BARX2: variants seen among roughly 807,000 people sequenced by gnomAD.
The protein encoded by BARX2 is BARX homeobox 2.
BARX2 carries 11 observed loss-of-function variants against 25.5 expected under a neutral mutation model. That is an observed-to-expected ratio of 0.43 (90% CI 0.27 to 0.71). The LOEUF (loss-of-function observed/expected upper bound fraction) is 0.71. BARX2 is among the 30% of genes least tolerant of loss of function. The pLI is 0.19. For synonymous variants in BARX2, 137 were observed against 149.5 expected, an observed-to-expected ratio of 0.92 and a Z score of 0.61; for missense variants, 360 against 359.9, an observed-to-expected ratio of 1.00 and a Z score of 0.00.
rs1299385268 is a variant in BARX2, at chr11:129,390,642, A to G, written c.187+14420A>G. Among the ~76,000 whole-genome samples, 1 of 152,112 alleles carries G rather than the reference A, an allele frequency of 6.6e-6. No homozygotes were observed. Among genetic ancestry groups the G allele is most frequent in the Non-Finnish European group, 1.5e-5 (1 of 68,020 alleles). On this transcript the variant is annotated intron_variant, in intron 1 of 3. Coordinates refer to ENST00000281437, the MANE Select transcript of BARX2 (RefSeq NM_003658.5). The surrounding 1 kb of genome is among the most constrained non-coding windows in gnomAD (Gnocchi z 4.3). ...ACTCAGCATTTGTTGTCTCCAAGAGAAAAACAAATTGAAAAATGAGAATGG... is the reference window on the plus strand; with the variant it reads ...ACTCAGCATTTGTTGTCTCCAAGAGGAAAACAAATTGAAAAATGAGAATGG...
chr11:129,445,317 T>C (rs1253985874), intron 3 of BARX2, among the ~76,000 whole-genome samples: 3 of 152,202 alleles, frequency 2.0e-5, no homozygotes, highest in African/African-American at 7.2e-5. Flanking sequence ...GCAGAGGCAT[T>C]GTTTAAATTG....
chr11:129,451,560 C>T lies in BARX2; in HGVS notation c.*158C>T, dbSNP rs1591452940. The T allele has an allele frequency of 4.7e-6, 4 of 855,936 alleles. No homozygotes were observed. Among genetic ancestry groups the T allele is most frequent in the East Asian group, 2.7e-5 (1 of 37,178 alleles). The allele number at this position is 855,936 out of a possible 1,614,324, so 53.0% of individuals were successfully genotyped here. A position where few individuals can be genotyped will look rare whatever the true frequency, so the allele number is the denominator to read the frequency against. On this transcript the variant is annotated 3_prime_UTR_variant, in exon 4 of 4. Coordinates refer to ENST00000281437, the MANE Select transcript of BARX2 (RefSeq NM_003658.5). ...CCACAGTTACCATTGGCCTTGTCAT[C>T]GCAAGCATTTGACAAAGACTTGCTT...
chr11:129,375,629 A>G (rs1020981004), upstream of BARX2, among the ~76,000 whole-genome samples: 1 of 151,872 alleles, frequency 6.6e-6, no homozygotes, highest in African/African-American at 2.4e-5. This position sits in a 1 kb window ranked among gnomAD's most constrained non-coding sequence, Gnocchi z 4.0. Context: ...GTCTTAAAAT[A>G]GAGAGCCAGG....
intron 1 of BARX2, among the ~76,000 whole-genome samples, chr11:129,430,972 A>G (rs1166903527): frequency 6.6e-6 from 1 of 152,036 alleles, no homozygotes; most frequent in Non-Finnish European, 1.5e-5. Flanking sequence ...AGCAATTCTC[A>G]TGCCACAGCC....
chr11:129,410,576 G>A (rs759104938), intron 1 of BARX2, among the ~76,000 whole-genome samples: 2 of 152,170 alleles, frequency 1.3e-5, no homozygotes, highest in Non-Finnish European at 2.9e-5. Flanking sequence ...GGGGCTGTGT[G>A]TACATGAATG....
At position 129,376,160 on chromosome 11, in the gene BARX2, T is replaced by C. The variant is rs372858784; in HGVS notation, c.125T>C (p.Leu42Pro). 12 of 1,613,554 alleles carry C rather than the reference T, an allele frequency of 7.4e-6. No homozygotes were observed. Among genetic ancestry groups the C allele is most frequent in the Non-Finnish European group, 1.0e-5 (12 of 1,179,734 alleles). The change falls in exon 1 of 4, where the codon CTT (leucine) becomes CCT (proline). Residue 42 changes from leucine (L) to proline (P), a missense_variant. Coordinates refer to ENST00000281437, the MANE Select transcript of BARX2 (RefSeq NM_003658.5). This position sits in a 1 kb window ranked among gnomAD's most constrained non-coding sequence, Gnocchi z 4.2. ...GAGACCTGCGATTACTTTGAGAAAC[T>C]TTCCCTCTACTCCGTGTGCCCGTCG... Reference protein sequence around the residue: ...SKETCDYFEKLSLYSVCPSLV... With the variant: ...SKETCDYFEKPSLYSVCPSLV...
At chr11:129,422,541 C>T (rs1479604350) in intron 1 of BARX2, among the ~76,000 whole-genome samples, 1 of 152,164 alleles carries the variant, frequency 6.6e-6, no homozygotes, top group Non-Finnish European at 1.5e-5. Flanking sequence ...TCAAACGATC[C>T]TCCTGCCTCA....
intron 1 of BARX2, among the ~76,000 whole-genome samples, chr11:129,379,290 A>G (rs1861537045): frequency 6.6e-6 from 1 of 152,236 alleles, no homozygotes; most frequent in African/African-American, 2.4e-5. Flanking sequence ...TGTGTCATTC[A>G]GGCCATTGGT....
chr11:129,443,465 C>T (rs573356377), intron 3 of BARX2, among the ~76,000 whole-genome samples: 2 of 152,202 alleles, frequency 1.3e-5, no homozygotes, highest in Non-Finnish European at 2.9e-5. Flanking sequence ...GATCCTCAAA[C>T]TTTGGTGGGC....
chr11:129,376,574 T>A lies in BARX2; in HGVS notation c.187+352T>A, dbSNP rs537215186. 8.9e-4 allele frequency among the ~76,000 whole-genome samples: 136 copies of A among 152,218 alleles called. No individual in the cohort carries two copies. Among genetic ancestry groups the A allele is most frequent in the Non-Finnish European group, 1.5e-3 (100 of 68,038 alleles). ...TTGTTTCAGGAAGTGGTGGTGTGTGTGAATTTCAAACTTGAGCTTGGCGGC... is the reference window on the plus strand; with the variant it reads ...TTGTTTCAGGAAGTGGTGGTGTGTGAGAATTTCAAACTTGAGCTTGGCGGC... On this transcript the variant is annotated intron_variant, in intron 1 of 3. Coordinates refer to ENST00000281437, the MANE Select transcript of BARX2 (RefSeq NM_003658.5). The surrounding 1 kb of genome is among the most constrained non-coding windows in gnomAD (Gnocchi z 4.2).
intron 1 of BARX2, among the ~76,000 whole-genome samples, chr11:129,413,684 C>T (rs76261015): frequency 0.058 from 8,774 of 151,874 alleles, 376 homozygotes; most frequent in Non-Finnish European, 0.079. Flanking sequence ...CTGAGAGAGG[C>T]GGGTGGAACG....
At chr11:129,442,414 C>T (rs1033208015) in intron 2 of BARX2, among the ~76,000 whole-genome samples, 5 of 152,118 alleles carry the variant, frequency 3.3e-5, no homozygotes, top group African/African-American at 7.2e-5. Context: ...GAGGTGGGAC[C>T]GGGGCTGGGT....
At chr11:129,437,086 G>C (rs1368486031) in intron 2 of BARX2, 35 bp downstream of exon 2, 1 of 1,505,120 alleles carries the variant, frequency 6.6e-7, no homozygotes, top group Non-Finnish European at 8.9e-7. Flanking sequence ...CCGCAGTGAA[G>C]GCCCCTGGGA....
intron 2 of BARX2, chr11:129,437,538 T>G: frequency 4.1e-6 from 4 of 983,830 alleles, no homozygotes; most frequent in Non-Finnish European, 4.8e-6. Flanking sequence ...GTTGAGGAGG[T>G]CAGACATGTT....
intron 3 of BARX2, among the ~76,000 whole-genome samples, chr11:129,449,175 C>G (rs573138221): frequency 6.6e-6 from 1 of 152,272 alleles, no homozygotes; most frequent in South Asian, 2.1e-4. Context: ...CTGAATAGTG[C>G]ACTTTAAATG....
At position 129,431,393 on chromosome 11, in the gene BARX2, C is replaced by G. The variant is rs141053951; in HGVS notation, c.188-5358C>G. ...TAATTCTCTTTCCAAAGAGGCCGTA[C>G]CAGTTTGCATTCTCGCCAGCAATGA... On this transcript the variant is annotated intron_variant, in intron 1 of 3. Transcript: ENST00000281437. Among the ~76,000 whole-genome samples the G allele has an allele frequency of 4.6e-5, 7 of 152,288 alleles. No individual in the cohort carries two copies. In the East Asian group the frequency reaches 1.4e-3, roughly 29 times the overall value.
chr11:129,382,261 C>A (rs1341703703), intron 1 of BARX2, among the ~76,000 whole-genome samples: 1 of 152,112 alleles, frequency 6.6e-6, no homozygotes, highest in East Asian at 1.9e-4. Context: ...TCACTGCAAC[C>A]TCTGCTTCCC....
intron 1 of BARX2, among the ~76,000 whole-genome samples, chr11:129,384,288 C>T (rs1311742266): frequency 6.6e-6 from 1 of 150,986 alleles, no homozygotes; most frequent in African/African-American, 2.4e-5. Context: ...GATGCTTATC[C>T]TTTGGTTTTT....
chr11:129,427,747 T>TACTTCAAGAA (rs1862082363), intron 1 of BARX2, among the ~76,000 whole-genome samples: 1 of 152,176 alleles, frequency 6.6e-6, no homozygotes, highest in Admixed American at 6.5e-5. Flanking sequence ...TGGCTGTAGC[T>TACTTCAAGAA]GCGGGGACCT....
Sources: gnomAD v4.1 joint callset for allele counts (sites outside exome capture counted in the v4.1 genomes callset) on GRCh38, gnomAD v4.1.1 for gene constraint, Gnocchi (gnomAD v3.1) non-coding constraint, MANE v1.5 for transcripts, NCBI Gene and HGNC (gene_info 2026-07-23, HGNC 2026-07-21) for gene names.